The following RBKS variants were observed in gnomAD, a reference collection of about 807,000 sequenced individuals.
The protein encoded by RBKS is ribokinase.
RBKS carries 33 observed loss-of-function variants against 33.9 expected under a neutral mutation model. That is an observed-to-expected ratio of 0.97 (90% CI 0.74 to 1.30). The LOEUF (loss-of-function observed/expected upper bound fraction) is 1.30. Among genes scored for constraint, RBKS ranks in the 50% most tolerant of loss-of-function variants. The pLI, the probability that RBKS is intolerant of heterozygous loss-of-function variation, is 0.00. For synonymous variants in RBKS, 125 were observed against 143.0 expected, an observed-to-expected ratio of 0.87 and a Z score of 0.90; for missense variants, 361 against 392.6, an observed-to-expected ratio of 0.92 and a Z score of 0.68.
chr2:27,868,680 A>G (rs1216703666), intron 1 of RBKS, among the ~76,000 whole-genome samples: 6 of 152,196 alleles, frequency 3.9e-5, no homozygotes, highest in African/African-American at 1.2e-4. Flanking sequence ...TTACACAGGA[A>G]AGAATGGTGG....
At chr2:27,853,764 T>C (rs2148216965) in intron 2 of RBKS, among the ~76,000 whole-genome samples, 1 of 152,376 alleles carries the variant, frequency 6.6e-6, no homozygotes, top group South Asian at 2.1e-4. Context: ...AGTTATTTTC[T>C]CTCATTTCTA....
At chr2:27,785,029 C>A (rs1419238428) in intron 7 of RBKS, among the ~76,000 whole-genome samples, 1 of 151,968 alleles carries the variant, frequency 6.6e-6, no homozygotes, top group African/African-American at 2.4e-5. Flanking sequence ...CGGCAAACTC[C>A]CAGATGCCAA....
chr2:27,823,474 A>G (rs967255105), intron 7 of RBKS, among the ~76,000 whole-genome samples: 36 of 152,160 alleles, frequency 2.4e-4, no homozygotes, highest in African/African-American at 8.7e-4. Context: ...ATTAGGAGGA[A>G]GAGAAAAGCG....
At chr2:27,845,143 A>G (rs1663598997) in intron 4 of RBKS, among the ~76,000 whole-genome samples, 2 of 152,218 alleles carry the variant, frequency 1.3e-5, no homozygotes, top group South Asian at 4.1e-4. Flanking sequence ...TGTTGGAGTC[A>G]GCTGCTGCTT....
chr2:27,868,685 T>C (rs554789286), intron 1 of RBKS, among the ~76,000 whole-genome samples: 129 of 152,346 alleles, frequency 8.5e-4, no homozygotes, highest in African/African-American at 3.1e-3. Flanking sequence ...CAGGAAAGAA[T>C]GGTGGCTTTC....
intron 1 of RBKS, among the ~76,000 whole-genome samples, chr2:27,883,036 C>T (rs538107085): frequency 2.0e-5 from 3 of 152,120 alleles, no homozygotes; most frequent in South Asian, 2.1e-4. Context: ...ACAACAAACC[C>T]GTGTGACATG....
intron 7 of RBKS, among the ~76,000 whole-genome samples, chr2:27,818,065 C>T (rs765671697): frequency 6.6e-6 from 1 of 152,132 alleles, no homozygotes; most frequent in Non-Finnish European, 1.5e-5. Context: ...TACTAATATA[C>T]AGAGCCAAGA....
Position 27,789,372 on chromosome 2 carries a change from G to T in RBKS, c.796-7584C>A, listed in dbSNP as rs187904954. 1.1e-4 allele frequency among the ~76,000 whole-genome samples: 16 copies of T among 150,748 alleles called. No homozygotes were observed. The East Asian group carries it at 3.1e-3, about 29-fold the overall frequency. On this transcript the variant is annotated intron_variant, in intron 7 of 7. Coordinates refer to ENST00000302188, the MANE Select transcript of RBKS (RefSeq NM_022128.3). ...GAACATTTCTTTTGAGGATCAGGTCGGCACTAAAAAAATTTCAGATTTTGA... is the reference window on the plus strand; with the variant it reads ...GAACATTTCTTTTGAGGATCAGGTCTGCACTAAAAAAATTTCAGATTTTGA...
chr2:27,832,851 T>C lies in RBKS; in HGVS notation c.515-74A>G, dbSNP rs1171006575. On this transcript the variant is annotated intron_variant, in intron 5 of 7. Transcript: ENST00000302188. ...TGGTGCATTTACAGACAACATTCAG[T>C]AGGGAAAATCCCCGAGTTCGTTTTT... 35 of 971,870 alleles carry C rather than the reference T, an allele frequency of 3.6e-5. No individual in the cohort carries two copies. In the Admixed American group the frequency reaches 5.9e-4, roughly 16 times the overall value. 60.2% of individuals were successfully genotyped at this position (971,870 alleles called of 1,614,324 possible).
At chr2:27,889,261 T>C (rs1345015547) in intron 1 of RBKS, among the ~76,000 whole-genome samples, 3 of 152,224 alleles carry the variant, frequency 2.0e-5, no homozygotes, top group Non-Finnish European at 4.4e-5. Context: ...AGCAATTTGG[T>C]GACTTATTTT....
intron 7 of RBKS, among the ~76,000 whole-genome samples, chr2:27,788,778 G>C (rs991579804): frequency 3.9e-5 from 6 of 152,160 alleles, no homozygotes; most frequent in African/African-American, 1.4e-4. Flanking sequence ...TTTTAAAAAT[G>C]AAGTATTTAA....
At chr2:27,804,695 T>C (rs1423213749) in intron 7 of RBKS, among the ~76,000 whole-genome samples, 1 of 152,192 alleles carries the variant, frequency 6.6e-6, no homozygotes, top group African/African-American at 2.4e-5. Flanking sequence ...GAAGTGTTCA[T>C]TAAAGAGTTT....
chr2:27,801,962 AAATATATAT>A (rs1558536453), intron 7 of RBKS, among the ~76,000 whole-genome samples: 5 of 61,148 alleles, frequency 8.2e-5, no homozygotes, highest in African/African-American at 3.2e-4. Context: ...AAAAAAAAAA[AAATATATAT>A]ATATATATAT....
At chr2:27,793,606 A>G (rs1352921239) in intron 7 of RBKS, among the ~76,000 whole-genome samples, 2 of 152,252 alleles carry the variant, frequency 1.3e-5, no homozygotes, top group Non-Finnish European at 1.5e-5. Flanking sequence ...CATGAAAGAC[A>G]ACATAGTTTA....
At chr2:27,820,994 T>C (rs574787524) in intron 7 of RBKS, among the ~76,000 whole-genome samples, 43 of 135,260 alleles carry the variant, frequency 3.2e-4, no homozygotes, top group Non-Finnish European at 5.4e-4. Flanking sequence ...GAGCCGAGAC[T>C]GCGCCACTGC....
chr2:27,809,705 T>C, intron 7 of RBKS: 1 of 323,860 alleles, frequency 3.1e-6, no homozygotes, highest in South Asian at 2.6e-5. Context: ...TAAATGTTCA[T>C]CTTCTAACAG....
chr2:27,877,924 T>C (rs1054817182), intron 1 of RBKS, among the ~76,000 whole-genome samples: 2 of 152,244 alleles, frequency 1.3e-5, no homozygotes, highest in East Asian at 1.9e-4. Flanking sequence ...CTTTAAAACA[T>C]TGGCTTCTTT....
intron 5 of RBKS, among the ~76,000 whole-genome samples, chr2:27,834,248 T>C (rs1678474488): frequency 6.6e-6 from 1 of 152,224 alleles, no homozygotes; most frequent in Non-Finnish European, 1.5e-5. Context: ...TTACCTAGCA[T>C]TTTGATTCAG....
chr2:27,786,896 G>C (rs1342897991), intron 7 of RBKS, among the ~76,000 whole-genome samples: 1 of 152,198 alleles, frequency 6.6e-6, no homozygotes, highest in Non-Finnish European at 1.5e-5. Flanking sequence ...CACAGGGCTT[G>C]GTGGAACTGT....
Sources: gnomAD v4.1 joint callset for allele counts (sites outside exome capture counted in the v4.1 genomes callset) on GRCh38, gnomAD v4.1.1 for gene constraint, MANE v1.5 for transcripts, NCBI Gene and HGNC (gene_info 2026-07-23, HGNC 2026-07-21) for gene names.